The following CDH13 variants were observed in gnomAD, a reference collection of about 807,000 sequenced individuals.
CDH13 encodes the protein cadherin-13.
A neutral mutation model predicts 63.8 loss-of-function variants in CDH13; 24 were observed. The ratio of observed to expected loss-of-function variants is 0.38; its 90% CI spans 0.27 to 0.53. The LOEUF is 0.53. CDH13 is among the 20% of genes least tolerant of loss of function. The probability of loss-of-function intolerance (pLI) is 0.85; values close to 1 mark genes in which losing one functional copy is unlikely to be tolerated. For missense variants in CDH13, 1,049 were observed against 903.1 expected, an observed-to-expected ratio of 1.16 and a Z score of -2.07; for synonymous variants, 503 against 355.3, an observed-to-expected ratio of 1.42 and a Z score of -4.67.
chr16:83,069,997 T>C (rs904454020), intron 3 of CDH13, among the ~76,000 whole-genome samples: 1 of 152,230 alleles, frequency 6.6e-6, no homozygotes, highest in Non-Finnish European at 1.5e-5. Flanking sequence ...AATGGCACTT[T>C]AAAAATTTCC....
intron 6 of CDH13, among the ~76,000 whole-genome samples, chr16:83,373,602 A>T (rs1423391951): frequency 6.6e-6 from 1 of 152,198 alleles, no homozygotes. Context: ...TGTTGGAGAG[A>T]GGCAGGCATC....
At chr16:83,012,765 A>G (rs935514662) in intron 2 of CDH13, among the ~76,000 whole-genome samples, 5 of 152,142 alleles carry the variant, frequency 3.3e-5, no homozygotes, top group Admixed American at 3.3e-4. Flanking sequence ...GGGTATATTT[A>G]TTTTCTCTGT....
chr16:82,651,368 T>C (rs567129373), intron 1 of CDH13, among the ~76,000 whole-genome samples: 2 of 152,206 alleles, frequency 1.3e-5, no homozygotes, highest in African/African-American at 2.4e-5. Context: ...TTCATTGATC[T>C]TCACCCAACC....
chr16:83,765,976 G>A (rs889494), intron 11 of CDH13, among the ~76,000 whole-genome samples: 49,009 of 151,830 alleles, frequency 0.32, 8,167 homozygotes, highest in Admixed American at 0.45. Flanking sequence ...GGGAATTTGG[G>A]GCCATAGATT....
chr16:83,136,688 C>G (rs1404285280), intron 4 of CDH13, among the ~76,000 whole-genome samples: 1 of 152,050 alleles, frequency 6.6e-6, no homozygotes, highest in African/African-American at 2.4e-5. Context: ...GACAGACGAT[C>G]AAACACCAGG....
chr16:83,519,998 T>C (rs188294312), intron 7 of CDH13, among the ~76,000 whole-genome samples: 5 of 152,284 alleles, frequency 3.3e-5, no homozygotes, highest in Admixed American at 3.3e-4. Flanking sequence ...GATCTCATAT[T>C]CAGGAAAAGG....
chr16:82,707,571 A>T (rs538726095), intron 1 of CDH13, among the ~76,000 whole-genome samples: 3 of 152,218 alleles, frequency 2.0e-5, no homozygotes, highest in Non-Finnish European at 4.4e-5. Context: ...TCTGTGATAC[A>T]TGACAGAGTG....
At chr16:83,302,924 A>G (rs2089784215) in intron 5 of CDH13, among the ~76,000 whole-genome samples, 3 of 152,210 alleles carry the variant, frequency 2.0e-5, no homozygotes, top group Non-Finnish European at 4.4e-5. Context: ...GCAGACTTCC[A>G]GGTGCAGTCA....
intron 3 of CDH13, among the ~76,000 whole-genome samples, chr16:83,064,832 C>T (rs184622296): frequency 6.6e-6 from 1 of 152,242 alleles, no homozygotes; most frequent in East Asian, 1.9e-4. Context: ...ATGTCCATCA[C>T]CTCAGTTACC....
intron 1 of CDH13, among the ~76,000 whole-genome samples, chr16:82,776,551 A>G (rs1334618570): frequency 6.6e-6 from 1 of 152,354 alleles, no homozygotes; most frequent in East Asian, 1.9e-4. Flanking sequence ...ACCTGCAAAT[A>G]TGAACCTTCT....
chr16:83,046,092 C>G (rs1597214826), intron 3 of CDH13, among the ~76,000 whole-genome samples: 1 of 152,210 alleles, frequency 6.6e-6, no homozygotes, highest in Admixed American at 6.5e-5. Flanking sequence ...CAAGTCTAGT[C>G]TCAAGGCCTA....
intron 3 of CDH13, among the ~76,000 whole-genome samples, chr16:83,076,017 T>A (rs1028821392): frequency 2.0e-5 from 3 of 152,132 alleles, no homozygotes; most frequent in Non-Finnish European, 4.4e-5. Flanking sequence ...AAGGGAAGTA[T>A]GCAAAATGGC....
chr16:83,165,884 G>C (rs948542702), intron 4 of CDH13, among the ~76,000 whole-genome samples: 1 of 152,056 alleles, frequency 6.6e-6, no homozygotes, highest in South Asian at 2.1e-4. Flanking sequence ...CAGCACAATC[G>C]CTCTGTAGGA....
At chr16:82,690,000 AAAAAAAAAAAAAAAAAAAT>A (rs1241188410) in intron 1 of CDH13, among the ~76,000 whole-genome samples, 2 of 137,086 alleles carry the variant, frequency 1.5e-5, no homozygotes, top group Non-Finnish European at 3.2e-5. Context: ...AAAAAAAAAA[AAAAAAAAAAAAAAAAAAAT>A]TAGCCAGGCA....
intron 3 of CDH13, among the ~76,000 whole-genome samples, chr16:83,053,319 A>T (rs557972874): frequency 9.2e-5 from 14 of 152,016 alleles, no homozygotes; most frequent in African/African-American, 2.7e-4. Flanking sequence ...TGTCACTAGG[A>T]CTCTGTTATC....
At chr16:83,131,470 C>T (rs910192750) in intron 4 of CDH13, among the ~76,000 whole-genome samples, 2 of 152,120 alleles carry the variant, frequency 1.3e-5, no homozygotes, top group Non-Finnish European at 2.9e-5. Flanking sequence ...GCTTTTTCCC[C>T]TCCCCCTTCA....
At position 82,672,999 on chromosome 16, in the gene CDH13, C is replaced by CTTTTTTTTTTTTTT. The variant is rs562942948; in HGVS notation, c.45+45869_45+45882dup. The stretch of plus-strand genomic sequence containing the variant: ...GTATGGCTAATTTTTATAAAGTTTT[C>CTTTTTTTTTTTTTT]TTTTTTTTTTTTTTTTTTTTGTAGA... On this transcript the variant is annotated intron_variant, in intron 1 of 13. Coordinates refer to ENST00000567109, the MANE Select transcript of CDH13 (RefSeq NM_001257.5). 3.6e-3 allele frequency among the ~76,000 whole-genome samples: 294 copies of CTTTTTTTTTTTTTT among 81,248 alleles called. 24 individuals are homozygous for CTTTTTTTTTTTTTT. Among genetic ancestry groups the CTTTTTTTTTTTTTT allele is most frequent in the Non-Finnish European group, 5.0e-3 (233 of 46,846 alleles). 53.3% of individuals were successfully genotyped at this position (81,248 alleles called of 152,430 possible). A position where few individuals can be genotyped will look rare whatever the true frequency, so the allele number is the denominator to read the frequency against.
intron 2 of CDH13, among the ~76,000 whole-genome samples, chr16:82,984,963 C>G (rs769145278): frequency 5.9e-5 from 9 of 152,114 alleles, no homozygotes; most frequent in African/African-American, 9.7e-5. Context: ...GCTTGCAAAG[C>G]CAGAACACCT....
At chr16:83,027,102 A>ACCC (rs79185242) in intron 2 of CDH13, among the ~76,000 whole-genome samples, 28 of 100,974 alleles carry the variant, frequency 2.8e-4, no homozygotes, top group Non-Finnish European at 4.3e-4. Context: ...CAGAAGGGAG[A>ACCC]CCCCCCCCCC....
Sources: allele counts gnomAD v4.1 joint callset (sites outside exome capture counted in the v4.1 genomes callset), GRCh38; gene constraint gnomAD v4.1.1; transcripts MANE v1.5; gene names NCBI Gene and HGNC (gene_info 2026-07-23, HGNC 2026-07-21).